PCARE: variants seen among roughly 807,000 people sequenced by gnomAD.
The protein encoded by PCARE is uncharacterized protein C2orf71.
Under a neutral mutation model 82.2 loss-of-function variants are expected in PCARE, and 72 were observed. The ratio of observed to expected loss-of-function variants is 0.88; its 90% CI spans 0.72 to 1.07. PCARE has a LOEUF of 1.07. Ranked by LOEUF, PCARE falls within the 50% of genes least tolerant of loss-of-function variation. The pLI is 0.00. For synonymous variants in PCARE, 705 were observed against 634.8 expected (o/e 1.11, Z -1.66); for missense variants, 1,768 against 1,592.4 (o/e 1.11, Z -1.88).
In PCARE at chr2:29,071,016, G is replaced by A; in HGVS notation, c.3246C>T (p.Pro1082=). Reference sequence around the variant, plus strand: ...GTGATGGGGAGGGAATCGAGAAAGGGGGGCTTGCTTCTGGGTGCTGGGTTG... The same window carrying A: ...GTGATGGGGAGGGAATCGAGAAAGGAGGGCTTGCTTCTGGGTGCTGGGTTG... ...SPPTQHPEAS[P]PFSIPSPSPP... is the part of the protein sequence containing the mutation. Residue 1082 remains proline (P), a synonymous_variant, in exon 1 of 2, where the codon CCC becomes CCT. Coordinates refer to ENST00000331664, the MANE Select transcript of PCARE (RefSeq NM_001029883.3). 2 of 1,607,686 alleles carry A rather than the reference G, an allele frequency of 1.2e-6. No homozygotes were observed. Among genetic ancestry groups the A allele is most frequent in the Non-Finnish European group, 1.7e-6 (2 of 1,178,170 alleles).
rs769547201 is a variant in PCARE at position 29,073,488 on chromosome 2, T to C, written c.774A>G (p.Arg258=). Residue 258 remains arginine, a synonymous_variant, in exon 1 of 2, where the codon AGA becomes AGG. Transcript: ENST00000331664. The part of the protein sequence containing the change: ...REDLAWPLKK[R]EPQEQPNLLQ... ...GGAGATTTGGCTGCTCCTGGGGCTCTCTTTTCTTCAAAGGCCAAGCCAGAT... is the reference window on the plus strand; with the variant it reads ...GGAGATTTGGCTGCTCCTGGGGCTCCCTTTTCTTCAAAGGCCAAGCCAGAT... 3.1e-6 allele frequency: 5 copies of C among 1,614,018 alleles called. No homozygotes were observed. Among genetic ancestry groups the C allele is most frequent in the East Asian group, 2.2e-5 (1 of 44,898 alleles).
Position 29,064,829 on chromosome 2 carries a change from T to A in PCARE, c.*40A>T. Reference sequence around the variant, plus strand: ...GACACTTGGCTGTCACACTTGGCCTTCTGGGGTGACTGCGTGAGTGTGGCC... The same window carrying A: ...GACACTTGGCTGTCACACTTGGCCTACTGGGGTGACTGCGTGAGTGTGGCC... On this transcript the variant is annotated 3_prime_UTR_variant, in exon 2 of 2. Transcript: ENST00000331664. The A allele has an allele frequency of 6.2e-7, 1 of 1,606,366 alleles. No individual in the cohort carries two copies. The highest frequency in any genetic ancestry group is 1.1e-5 in the South Asian group (1 of 90,918).
At chr2:29,070,448 C>G (rs1667451950) in intron 1 of PCARE, 146 bp downstream of exon 1, 8 of 991,120 alleles carry the variant, frequency 8.1e-6, no homozygotes, top group Non-Finnish European at 1.2e-5. Context: ...GGAGCTGGAA[C>G]TGCCCCCTAC....
At position 29,073,535 on chromosome 2, in the gene PCARE, G is replaced by T; in HGVS notation, c.727C>A (p.Leu243Ile). The T allele has an allele frequency of 1.2e-6, 2 of 1,614,174 alleles. No homozygotes were observed. Among genetic ancestry groups the T allele is most frequent in the African/African-American group, 1.3e-5 (1 of 75,050 alleles). The change falls in exon 1 of 2, where the codon CTC becomes ATC. Residue 243 changes from leucine (L) to isoleucine (I), a missense_variant. Coordinates refer to ENST00000331664, the MANE Select transcript of PCARE (RefSeq NM_001029883.3). ...LGEISKDGEV[L>I]LQEVREDLAW... ...AGATCCTCCCTGACTTCCTGCAGGA[G>T]CACTTCTCCATCCTTGGAGATCTCC...
At position 29,062,410 on chromosome 2, in the gene PCARE, G is replaced by A. The variant is rs1482419250; in HGVS notation, c.*2459C>T. On this transcript the variant is annotated 3_prime_UTR_variant, in exon 2 of 2. Coordinates refer to ENST00000331664, the MANE Select transcript of PCARE (RefSeq NM_001029883.3). The stretch of plus-strand genomic sequence containing the variant: ...CTCCACAGCTGATGGCAGGATCCCG[G>A]GTGCCCTGTACCCCTTCGTCTGCTG... The A allele has an allele frequency of 6.6e-6, 1 of 152,248 alleles. No individual in the cohort carries two copies. The highest frequency in any genetic ancestry group is 2.4e-5 in the African/African-American group (1 of 41,418). The allele number at this position is 152,248 out of a possible 1,614,324, so 9.4% of individuals were successfully genotyped here.
At position 29,070,896 on chromosome 2, in the gene PCARE, T is replaced by A. The variant is rs1667463512; in HGVS notation, c.3366A>T (p.Ile1122=). 5 of 1,613,692 alleles carry A rather than the reference T, an allele frequency of 3.1e-6. 1 individual carries two copies. The African/African-American group carries it at 4.0e-5, about 13-fold the overall frequency. ...IAKVSGNTHS[I]FCPATSSLFE... ...ACAGAGAGGAGGTAGCTGGGCAGAA[T>A]ATGGAATGTGTGTTCCCAGACACTT... The change falls in exon 1 of 2, where the codon ATA becomes ATT. Residue 1122 remains isoleucine (I), a synonymous_variant. Transcript: ENST00000331664.
rs769818230 is a variant in PCARE at position 29,071,299 on chromosome 2, G to A, written c.2963C>T (p.Pro988Leu). The change falls in exon 1 of 2, where the codon CCC becomes CTC. Residue 988 changes from proline to leucine, a missense_variant. Pro to Leu is a moderately conservative substitution (Grantham distance 98). Coordinates refer to ENST00000331664, the MANE Select transcript of PCARE (RefSeq NM_001029883.3). ...ARPRQSRERS[P>L]PVGRKASPTR... ...GGGAGAGGCCTTTCTGCCCACAGGG[G>A]GGCTTCTCTCTCGGCTCTGCCTTGG... The A allele has an allele frequency of 1.2e-6, 2 of 1,613,484 alleles. No individual in the cohort carries two copies. The highest frequency in any genetic ancestry group is 1.3e-5 in the African/African-American group (1 of 75,052).
intron 1 of PCARE, among the ~76,000 whole-genome samples, chr2:29,068,029 G>A (rs573907367): frequency 6.6e-6 from 1 of 152,284 alleles, no homozygotes; most frequent in South Asian, 2.1e-4. Context: ...AAATGTTAGT[G>A]TTTTTAATTA....
At position 29,072,229 on chromosome 2, in the gene PCARE, G is replaced by A. The variant is rs1189943576; in HGVS notation, c.2033C>T (p.Pro678Leu). The stretch of plus-strand genomic sequence containing the variant: ...CTGCAAGATGCTCTTGTCCTGACTA[G>A]GCAAAATACTGAAGTTCTTGGTGAG... ...ASLTKNFSIL[P>L]SQDKSILQKC... Residue 678 changes from proline to leucine, a missense_variant, in exon 1 of 2, where the codon CCT (proline) becomes CTT (leucine). Transcript: ENST00000331664. The A allele has an allele frequency of 5.6e-6, 9 of 1,614,238 alleles. No homozygotes were observed. The highest frequency in any genetic ancestry group is 6.8e-6 in the Non-Finnish European group (8 of 1,180,056).
rs1302097181 is a variant in PCARE at position 29,071,414 on chromosome 2, G to A, written c.2848C>T (p.Leu950Phe). The stretch of plus-strand genomic sequence containing the variant: ...ATGGCCTTCCGGGGCTGCCTGTAGA[G>A]GCTGGTGGCCTTCTCTGCCTGACTC... ...TWSQAEKATS[L>F]YRQPRKAIAW... Residue 950 changes from leucine (L) to phenylalanine (F), a missense_variant, in exon 1 of 2, where the codon CTC becomes TTC. Coordinates refer to ENST00000331664, the MANE Select transcript of PCARE (RefSeq NM_001029883.3). 2 of 1,613,646 alleles carry A rather than the reference G, an allele frequency of 1.2e-6. No individual in the cohort carries two copies. The highest frequency in any genetic ancestry group is 8.5e-7 in the Non-Finnish European group (1 of 1,179,952).
intron 1 of PCARE, among the ~76,000 whole-genome samples, chr2:29,068,551 A>C (rs145319466): frequency 6.6e-6 from 1 of 151,798 alleles, no homozygotes; most frequent in Non-Finnish European, 1.5e-5. Context: ...TTTTGTTTCT[A>C]TGCCAGGTTG....
At position 29,070,818 on chromosome 2, in the gene PCARE, C is replaced by T; in HGVS notation, c.3444G>A (p.Leu1148=). 1 of 1,614,120 alleles carries T rather than the reference C, an allele frequency of 6.2e-7. No homozygotes were observed. The highest frequency in any genetic ancestry group is 8.5e-7 in the Non-Finnish European group (1 of 1,180,024). ...CGAGAGGGCCCCCAGCCTCTGGCGG[C>T]AGCGATGGTGGGGTCAGTGGGTGGG... ...STAHPLTPPS[L]PPEAGGPLGN... The change falls in exon 1 of 2, where the codon CTG becomes CTA. Residue 1148 remains leucine, a synonymous_variant. Coordinates refer to ENST00000331664, the MANE Select transcript of PCARE (RefSeq NM_001029883.3).
chr2:29,073,519 C>T lies in PCARE; in HGVS notation c.743G>A (p.Arg248Lys), dbSNP rs748348235. Residue 248 changes from arginine (R) to lysine (K), a missense_variant, in exon 1 of 2, where the codon AGG becomes AAG. Physicochemically the swap from Arg to Lys is conservative, Grantham distance 26 (BLOSUM62 2). Transcript: ENST00000331664. The part of the protein sequence containing the change: ...KDGEVLLQEV[R>K]EDLAWPLKKR... ...CTTCAAAGGCCAAGCCAGATCCTCC[C>T]TGACTTCCTGCAGGAGCACTTCTCC... 6 of 1,614,210 alleles carry T rather than the reference C, an allele frequency of 3.7e-6. No homozygotes were observed. Among genetic ancestry groups the T allele is most frequent in the Non-Finnish European group, 4.2e-6 (5 of 1,180,028 alleles).
chr2:29,073,853 T>C lies in PCARE; in HGVS notation c.409A>G (p.Ser137Gly), dbSNP rs1200559393. 1 of 1,614,258 alleles carries C rather than the reference T, an allele frequency of 6.2e-7. No homozygotes were observed. The highest frequency in any genetic ancestry group is 1.3e-5 in the African/African-American group (1 of 75,066). The change falls in exon 1 of 2, where the codon AGT (serine) becomes GGT (glycine). Residue 137 changes from serine to glycine, a missense_variant. By Grantham distance (56) the Ser-to-Gly change is moderately conservative (BLOSUM62 0). Coordinates refer to ENST00000331664, the MANE Select transcript of PCARE (RefSeq NM_001029883.3). The stretch of plus-strand genomic sequence containing the variant: ...CATTTGGAAGTATCTTGGGTACTAC[T>C]TTCCTCACTCTCATCTCCAGAAAAG... ...ADFSGDESEE[S>G]STQDTSKWKR...
chr2:29,073,330 A>G lies in PCARE; in HGVS notation c.932T>C (p.Leu311Pro). 1 of 1,614,092 alleles carries G rather than the reference A, an allele frequency of 6.2e-7. No individual in the cohort carries two copies. Among genetic ancestry groups the G allele is most frequent in the South Asian group, 1.1e-5 (1 of 91,082 alleles). Residue 311 changes from leucine to proline, a missense_variant, in exon 1 of 2, where the codon CTG becomes CCG. Transcript: ENST00000331664. The stretch of plus-strand genomic sequence containing the variant: ...TTCATCCACATTCCTTTTTGTGCTC[A>G]GCTTATTTTCCAAGTGGGTTGCAGT... ...HSTATHLENK[L>P]STKRNVDERL...
In PCARE at chr2:29,064,372, T is replaced by C; in HGVS notation, c.*497A>G. ...GAGCAGAGAGATTCTAACACCAGAC[T>C]CATCTGTGCAAAATTTTGCTCTATT... On this transcript the variant is annotated 3_prime_UTR_variant, in exon 2 of 2. Transcript: ENST00000331664. 5.3e-6 allele frequency: 1 copy of C among 186,916 alleles called. No individual in the cohort carries two copies. The highest frequency in any genetic ancestry group is 1.1e-5 in the Non-Finnish European group (1 of 88,292). The allele number at this position is 186,916 out of a possible 1,614,324, so 11.6% of individuals were successfully genotyped here. A position where few individuals can be genotyped will look rare whatever the true frequency, so the allele number is the denominator to read the frequency against.
At position 29,071,268 on chromosome 2, in the gene PCARE, C is replaced by A. The variant is rs1667474673; in HGVS notation, c.2994G>T (p.Arg998Ser). 1 of 1,613,364 alleles carries A rather than the reference C, an allele frequency of 6.2e-7. No homozygotes were observed. The highest frequency in any genetic ancestry group is 1.7e-5 in the Admixed American group (1 of 59,988). The change falls in exon 1 of 2, where the codon AGG becomes AGT. Residue 998 changes from arginine to serine, a missense_variant. Transcript: ENST00000331664. ...TGTCTGCTTGAGGCACCCAGTGTGT[C>A]CTCGTGGGAGAGGCCTTTCTGCCCA... is the stretch of plus-strand genomic sequence containing the variant. The part of the protein sequence containing the change: ...PPVGRKASPT[R>S]THWVPQADKR...
In PCARE at chr2:29,070,778, A is replaced by C; in HGVS notation, c.3484T>G (p.Cys1162Gly). Residue 1162 changes from cysteine to glycine, a missense_variant, in exon 1 of 2, where the codon TGC (cysteine) becomes GGC (glycine). Transcript: ENST00000331664. ...CAAGGCCCTGAGCTGTTCTTCCAGCATTCTGCTGGGTTCCCGAGAGGGCCC... is the reference window on the plus strand; with the variant it reads ...CAAGGCCCTGAGCTGTTCTTCCAGCCTTCTGCTGGGTTCCCGAGAGGGCCC... Reference protein sequence around the residue: ...AGGPLGNPAECWKNSSGPWLR... With the variant: ...AGGPLGNPAEGWKNSSGPWLR... 1 of 1,614,134 alleles carries C rather than the reference A, an allele frequency of 6.2e-7. No homozygotes were observed. The highest frequency in any genetic ancestry group is 8.5e-7 in the Non-Finnish European group (1 of 1,180,028).
chr2:29,070,495 T>C, intron 1 of PCARE, 99 bp downstream of exon 1: 2 of 1,531,012 alleles, frequency 1.3e-6, no homozygotes, highest in Non-Finnish European at 1.8e-6. Flanking sequence ...TGGAGCACAG[T>C]TTGAAAACTA....
Sources: allele counts gnomAD v4.1 joint callset (sites outside exome capture counted in the v4.1 genomes callset), GRCh38; gene constraint gnomAD v4.1.1; transcripts MANE v1.5; gene names NCBI Gene and HGNC (gene_info 2026-07-23, HGNC 2026-07-21).